The following ANO7 variants were observed in gnomAD, a reference collection of about 807,000 sequenced individuals.
The protein encoded by ANO7 is anoctamin 7, also known as anoctamin-7.
A neutral mutation model predicts 115.8 loss-of-function variants in ANO7; 114 were observed. The ratio of observed to expected loss-of-function variants is 0.98; its 90% confidence interval spans 0.85 to 1.15. The LOEUF (loss-of-function observed/expected upper bound fraction) is 1.15. ANO7 is among the 50% of genes most tolerant of loss of function. The pLI is 0.00. For synonymous variants in ANO7, 550 were observed against 498.2 expected (o/e 1.10, Z -1.38); for missense variants, 1,302 against 1,201.2 (o/e 1.08, Z -1.24).
chr2:241,235,279 G>A, the ANO7 span: 2 of 1,613,962 alleles, frequency 1.2e-6, no homozygotes, highest in African/African-American at 2.7e-5. Flanking sequence ...GGGCTGACTT[G>A]ACGTTCAGGA....
At chr2:241,236,972 G>A in the ANO7 span, among the ~76,000 whole-genome samples, 1 of 35,022 alleles carries the variant, frequency 2.9e-5, no homozygotes, top group Admixed American at 2.4e-4. Flanking sequence ...AGGGCTCCCA[G>A]ACCTTGGGGG....
intron 21 of ANO7, among the ~76,000 whole-genome samples, chr2:241,222,131 G>A (rs942479582): frequency 1.7e-4 from 26 of 152,028 alleles, no homozygotes; most frequent in African/African-American, 6.3e-4. Flanking sequence ...CTACTCAGGA[G>A]GCTGAGGCAG....
rs1474510528 is a variant in ANO7, at chr2:241,209,581, T to C, written c.1305T>C (p.Pro435=). The C allele has an allele frequency of 3.7e-6, 6 of 1,603,432 alleles. No homozygotes were observed. The highest frequency in any genetic ancestry group is 3.3e-5 in the South Asian group (3 of 90,062). The change falls in exon 13 of 25, where the codon CCT becomes CCC. Residue 435 remains proline (P), a synonymous_variant. Coordinates refer to ENST00000674324, the MANE Select transcript of ANO7 (RefSeq NM_001370694.2). ...CGGGTGAGGACGAGCCCTACTTCCC[T>C]GAGAGGAGCCGCGCGCGCCGCATGC... ...PITGEDEPYF[P]ERSRARRMLA... is the part of the protein sequence containing the mutation.
the ANO7 span, chr2:241,235,210 C>T: frequency 1.9e-5 from 31 of 1,614,032 alleles, no homozygotes; most frequent in Admixed American, 5.0e-5. Flanking sequence ...CCCGTGATGG[C>T]GATGATGTCA....
At position 241,210,642 on chromosome 2, in the gene ANO7, T is replaced by TCTCACTC. The variant is rs1010131707; in HGVS notation, c.1561+73_1561+79dup. ...CCGGCCGCCAGCCAGAACGTGACTTTCTCACTCACTGACACACATGGCCCT... is the reference window on the plus strand; with the variant it reads ...CCGGCCGCCAGCCAGAACGTGACTTTCTCACTCCTCACTCACTGACACACATGGCCCT... On this transcript the variant is annotated intron_variant, in intron 15 of 24. Transcript: ENST00000674324. 11 of 1,231,862 alleles carry TCTCACTC rather than the reference T, an allele frequency of 8.9e-6. No homozygotes were observed. In the African/African-American group the frequency reaches 1.2e-4, roughly 13 times the overall value. The allele number at this position is 1,231,862 out of a possible 1,614,324, so 76.3% of individuals were successfully genotyped here.
At position 241,190,182 on chromosome 2, in the gene ANO7, C is replaced by T. The variant is rs765882040; in HGVS notation, c.108+11C>T. The T allele has an allele frequency of 9.0e-6, 14 of 1,551,996 alleles. 1 individual carries two copies. The South Asian group carries it at 1.7e-4, about 18-fold the overall frequency. On this transcript the variant is annotated intron_variant, in intron 2 of 24. Transcript: ENST00000674324. ...GCCCACGCCTCGGAGGTAACAGCAC[C>T]CAGGAGACTGTGGTGCGACTTGAGA...
chr2:241,238,734 G>A, the ANO7 span: 2 of 1,581,394 alleles, frequency 1.3e-6, no homozygotes, highest in East Asian at 2.3e-5. This position sits in a 1 kb window ranked among gnomAD's most constrained non-coding sequence, Gnocchi z 4.9. Context: ...TGGGGCCCAT[G>A]ACAGATCGAT....
chr2:241,207,267 C>T (rs187526659), intron 10 of ANO7, among the ~76,000 whole-genome samples: 1 of 152,320 alleles, frequency 6.6e-6, no homozygotes, highest in African/African-American at 2.4e-5. Flanking sequence ...GACAGATGGG[C>T]AGGAGTGCTC....
At chr2:241,230,369 C>T (rs1330822026), downstream of ANO7, 10 of 797,194 alleles carry the variant, frequency 1.3e-5, no homozygotes, top group South Asian at 1.7e-5. The surrounding 1 kb of genome is among the most constrained non-coding windows in gnomAD (Gnocchi z 5.0). Flanking sequence ...AGTTAGCAAA[C>T]GTTTTAAAAT....
At chr2:241,235,313 A>G in the ANO7 span, 1 of 1,611,482 alleles carries the variant, frequency 6.2e-7, no homozygotes, top group Non-Finnish European at 8.5e-7. Context: ...GAAAGAGTCC[A>G]TTGGCCCTGG....
In ANO7 at chr2:241,218,292, G is replaced by C. The variant is rs765568873; in HGVS notation, c.2232G>C (p.Trp744Cys). ...SDFLPRAYYR[W>C]TRAHDLRGFL... is the part of the protein sequence containing the mutation. ...TCCTGCCGCGCGCCTACTACCGGTG[G>C]ACCCGCGCCCACGACCTGCGCGGCT... Residue 744 changes from tryptophan (W) to cysteine (C), a missense_variant, in exon 21 of 25, where the codon TGG (tryptophan) becomes TGC (cysteine). Trp to Cys is a radical substitution (Grantham distance 215, BLOSUM62 -2). Transcript: ENST00000674324. The C allele has an allele frequency of 6.5e-7, 1 of 1,536,056 alleles. No homozygotes were observed.
the ANO7 span, chr2:241,236,746 G>C: frequency 6.2e-7 from 1 of 1,614,114 alleles, no homozygotes; most frequent in Non-Finnish European, 8.5e-7. Flanking sequence ...CCATTCTCCT[G>C]GACAACTGGC....
intron 4 of ANO7, among the ~76,000 whole-genome samples, chr2:241,196,838 CGTGTGTGTGTGTGTGTGTGTGT>C (rs60120827): frequency 1.4e-5 from 2 of 146,922 alleles, no homozygotes; most frequent in African/African-American, 5.0e-5. Flanking sequence ...TCAATTCATT[CGTGTGTGTGTGTGTGTGTGTGT>C]GTGTGTGTGT....
At chr2:241,231,671 C>G in the ANO7 span, among the ~76,000 whole-genome samples, 38 of 152,216 alleles carry the variant, frequency 2.5e-4, no homozygotes, top group East Asian at 6.6e-3. Context: ...CCTCAGCGAG[C>G]CCCTCCCTCA....
At chr2:241,209,069 A>G (rs1322626664) in intron 11 of ANO7, among the ~76,000 whole-genome samples, 1 of 152,206 alleles carries the variant, frequency 6.6e-6, no homozygotes, top group Non-Finnish European at 1.5e-5. Context: ...GAATGGCGTG[A>G]ACCCGGGAGG....
downstream of ANO7, chr2:241,229,211 G>A (rs962030893): frequency 3.2e-5 from 7 of 217,130 alleles, no homozygotes; most frequent in African/African-American, 9.4e-5. Flanking sequence ...GAGGGCAAAC[G>A]TTTGGCTTTT....
In ANO7 at chr2:241,225,546, G is replaced by C. The variant is rs574418235; in HGVS notation, c.*1393G>C. Among the ~76,000 whole-genome samples, 1 of 152,266 alleles carries C rather than the reference G, an allele frequency of 6.6e-6. No individual in the cohort carries two copies. The highest frequency in any genetic ancestry group is 2.4e-5 in the African/African-American group (1 of 41,564). On this transcript the variant is annotated 3_prime_UTR_variant, in exon 25 of 25. Coordinates refer to ENST00000674324, the MANE Select transcript of ANO7 (RefSeq NM_001370694.2). ...TCTCGGGAACACACACACACAAAAA[G>C]AATATGTGGTTTTAATGTGCTTTGA...
intron 13 of ANO7, among the ~76,000 whole-genome samples, chr2:241,209,987 C>T (rs1001877699): frequency 3.3e-5 from 5 of 152,358 alleles, no homozygotes; most frequent in African/African-American, 7.2e-5. Flanking sequence ...GGACCTCTCA[C>T]TCCCCTGCCA....
At chr2:241,232,924 T>G in the ANO7 span, among the ~76,000 whole-genome samples, 1 of 151,780 alleles carries the variant, frequency 6.6e-6, no homozygotes, top group African/African-American at 2.4e-5. Flanking sequence ...AGGGCCCTCC[T>G]GGCCTGGCTG....
Sources: allele counts gnomAD v4.1 joint callset (sites outside exome capture counted in the v4.1 genomes callset), GRCh38; gene constraint gnomAD v4.1.1; non-coding constraint Gnocchi (gnomAD v3.1); transcripts MANE v1.5; gene names NCBI Gene and HGNC (gene_info 2026-07-23, HGNC 2026-07-21).